Variants in CARMIL2 observed in about 807,000 individuals in gnomAD.
CARMIL2 encodes capping protein, Arp2/3 and myosin-I linker protein 2.
CARMIL2 carries 96 observed loss-of-function variants against 173.3 expected under a neutral mutation model. The observed-to-expected ratio is 0.55, with a 90% CI of 0.47 to 0.66. The LOEUF is 0.66. CARMIL2 is among the 30% of genes least tolerant of loss of function. The pLI is 0.00. For missense variants in CARMIL2, 1,771 were observed against 1,906.7 expected (o/e 0.93, Z 1.33); for synonymous variants, 830 against 817.1 (o/e 1.02, Z -0.27).
rs72547499 is a variant in CARMIL2 at position 67,657,435 on chromosome 16, C to G, written c.4225C>G (p.Pro1409Ala). ...TGGCCTTGGAACCGAGCCTCTGCCCCCACAGCCCACAGAGCCCTCCAGCCC... is the reference window on the plus strand; with the variant it reads ...TGGCCTTGGAACCGAGCCTCTGCCCGCACAGCCCACAGAGCCCTCCAGCCC... Reference protein sequence around the residue: ...GSGLGTEPLPPQPTEPSSPER... With the variant: ...GSGLGTEPLPAQPTEPSSPER... The change falls in exon 38 of 38, where the codon CCA becomes GCA. Residue 1409 changes from proline to alanine, a missense_variant. Around this residue, in one of 3 missense-constraint regions of CARMIL2, gnomAD observed 817 missense variants for 903.5 expected, o/e 0.90. Coordinates refer to ENST00000334583, the MANE Select transcript of CARMIL2 (RefSeq NM_001013838.3). This position sits in a 1 kb window ranked among gnomAD's most constrained non-coding sequence, Gnocchi z 4.5. 1 of 1,609,710 alleles carries G rather than the reference C, an allele frequency of 6.2e-7. No homozygotes were observed. Among genetic ancestry groups the G allele is most frequent in the East Asian group, 2.2e-5 (1 of 44,668 alleles).
chr16:67,654,635 C>T lies in CARMIL2; in HGVS notation c.3525C>T (p.Tyr1175=), dbSNP rs1455915557. 6.3e-7 allele frequency: 1 copy of T among 1,591,114 alleles called. No homozygotes were observed. Among genetic ancestry groups the T allele is most frequent in the African/African-American group, 1.3e-5 (1 of 74,392 alleles). ...RPRYTRDSKA[Y]SMILLPAEEE... is the part of the protein sequence containing the mutation. ...GCTACACAAGAGATAGCAAGGCCTACTCGATGATACTGCTGCCTGCCGAGG... is the reference window on the plus strand; with the variant it reads ...GCTACACAAGAGATAGCAAGGCCTATTCGATGATACTGCTGCCTGCCGAGG... Residue 1175 remains tyrosine, a synonymous_variant, in exon 31 of 38, where the codon TAC becomes TAT. Transcript: ENST00000334583.
chr16:67,649,132 A>G lies in CARMIL2; in HGVS notation c.1648A>G (p.Arg550Gly), dbSNP rs772545266. The change falls in exon 18 of 38, where the codon AGA becomes GGA. Residue 550 changes from arginine (R) to glycine (G), a missense_variant. By Grantham distance (125) the Arg-to-Gly change is moderately radical (BLOSUM62 -2). This residue lies in a region of CARMIL2 where 944 missense variants were observed against 975.6 expected (regional missense o/e 0.97). Coordinates refer to ENST00000334583, the MANE Select transcript of CARMIL2 (RefSeq NM_001013838.3). This position sits in a 1 kb window ranked among gnomAD's most constrained non-coding sequence, Gnocchi z 6.7. The part of the protein sequence containing the change: ...VLAIGRSRSL[R>G]HVALGRNFNV... ...GGCCATCGGGAGAAGCCGGTCCCTG[A>G]GACATGTGGCGCTTGGAAGGAACTT... 6.2e-7 allele frequency: 1 copy of G among 1,613,564 alleles called. No individual in the cohort carries two copies. The highest frequency in any genetic ancestry group is 2.2e-5 in the East Asian group (1 of 44,864).
In CARMIL2 at chr16:67,650,095, C is replaced by G. The variant is rs375991429; in HGVS notation, c.2129C>G (p.Ser710Cys). 1.2e-6 allele frequency: 2 copies of G among 1,613,600 alleles called. No individual in the cohort carries two copies. The highest frequency in any genetic ancestry group is 1.7e-5 in the Admixed American group (1 of 59,962). ...LRNNRADPAS[S>C]DHTTRLQPLG... ...AACAACCGCGCAGACCCTGCCTCTT[C>G]TGACCACACGACCCGCCTTCAGCCA... The change falls in exon 22 of 38, where the codon TCT becomes TGT. Residue 710 changes from serine to cysteine, a missense_variant. By Grantham distance (112) the Ser-to-Cys change is moderately radical (BLOSUM62 -1). Transcript: ENST00000334583.
At position 67,646,590 on chromosome 16, in the gene CARMIL2, G is replaced by A. The variant is rs939484557; in HGVS notation, c.466+73G>A. ...GCCTCCCCAGACCCGCAAGCTGGGG[G>A]GGCCCCAAACTGAACAGAGCCATTC... is the stretch of plus-strand genomic sequence containing the variant. On this transcript the variant is annotated intron_variant, in intron 6 of 37. Transcript: ENST00000334583. The surrounding 1 kb of genome is among the most constrained non-coding windows in gnomAD (Gnocchi z 4.6). 43 of 1,580,026 alleles carry A rather than the reference G, an allele frequency of 2.7e-5. No individual in the cohort carries two copies. Among genetic ancestry groups the A allele is most frequent in the Middle Eastern group, 1.7e-4 (1 of 5,964 alleles).
rs2052880229 is a variant in CARMIL2, at chr16:67,657,191, A to C, written c.4118-48A>C. The stretch of plus-strand genomic sequence containing the variant: ...TGGAAGAGAGGGGCAGGGGATGGAC[A>C]GACCCCAAGCCTTAGCAACCCACCC... On this transcript the variant is annotated intron_variant, in intron 36 of 37. Transcript: ENST00000334583. This position sits in a 1 kb window ranked among gnomAD's most constrained non-coding sequence, Gnocchi z 4.5. 2 of 1,547,828 alleles carry C rather than the reference A, an allele frequency of 1.3e-6. No homozygotes were observed. Among genetic ancestry groups the C allele is most frequent in the Admixed American group, 3.5e-5 (2 of 57,962 alleles).
At position 67,647,122 on chromosome 16, in the gene CARMIL2, G is replaced by A. The variant is rs750360582; in HGVS notation, c.618G>A (p.Leu206=). 5 of 1,613,774 alleles carry A rather than the reference G, an allele frequency of 3.1e-6. No individual in the cohort carries two copies. The highest frequency in any genetic ancestry group is 3.4e-6 in the Non-Finnish European group (4 of 1,179,850). Residue 206 remains leucine (L), a synonymous_variant, in exon 9 of 38, where the codon CTG becomes CTA. Transcript: ENST00000334583. ...GDFSHLGSRD[L]ALSVAALSYN... ...GTTCCCACCCTCCCACCAGGGACCT[G>A]GCCTTGAGTGTGGCTGCCCTGTCCT... is the stretch of plus-strand genomic sequence containing the variant.
At chr16:67,656,760 G>A in intron 35 of CARMIL2, 41 bp from the exon 36 acceptor site, 1 of 1,549,292 alleles carries the variant, frequency 6.5e-7, no homozygotes, top group Non-Finnish European at 8.7e-7. Flanking sequence ...CTGGAGTGGG[G>A]GCAGCTGTTG....
At position 67,653,060 on chromosome 16, in the gene CARMIL2, C is replaced by T. The variant is rs1320281069; in HGVS notation, c.2926C>T (p.Pro976Ser). Reference sequence around the variant, plus strand: ...GGAGCCGGAGCCCGAGCTGGCGGCTCCGGGAGAAGATGCAGAGCCGCAGGC... The same window carrying T: ...GGAGCCGGAGCCCGAGCTGGCGGCTTCGGGAGAAGATGCAGAGCCGCAGGC... ...EAEPEPELAA[P>S]GEDAEPQAGP... is the part of the protein sequence containing the mutation. The change falls in exon 29 of 38, where the codon CCG becomes TCG. Residue 976 changes from proline (P) to serine (S), a missense_variant. Coordinates refer to ENST00000334583, the MANE Select transcript of CARMIL2 (RefSeq NM_001013838.3). The surrounding 1 kb of genome is among the most constrained non-coding windows in gnomAD (Gnocchi z 7.4). 1.6e-6 allele frequency: 2 copies of T among 1,268,262 alleles called. No homozygotes were observed. Among genetic ancestry groups the T allele is most frequent in the Admixed American group, 7.8e-5 (2 of 25,616 alleles). 78.6% of individuals were successfully genotyped at this position (1,268,262 alleles called of 1,614,324 possible).
intron 9 of CARMIL2, 41 bp downstream of exon 9, chr16:67,647,232 G>T: frequency 6.2e-7 from 1 of 1,612,020 alleles, no homozygotes. Context: ...GGCCAAGGGT[G>T]TGGGCCAGGG....
rs765429939 is a variant in CARMIL2, at chr16:67,649,914, C to T, written c.2028C>T (p.Asp676=). The change falls in exon 21 of 38, where the codon GAC becomes GAT. Residue 676 remains aspartate, a synonymous_variant. Coordinates refer to ENST00000334583, the MANE Select transcript of CARMIL2 (RefSeq NM_001013838.3). This position sits in a 1 kb window ranked among gnomAD's most constrained non-coding sequence, Gnocchi z 6.7. ...AGGCCATGCCTCTGCCACTGAACGA[C>T]GTGGCCCAGGCGCAGCGCAGCCGCC... is the stretch of plus-strand genomic sequence containing the variant. ...SLKAMPLPLN[D]VAQAQRSRPE... 4.5e-5 allele frequency: 72 copies of T among 1,613,090 alleles called. No individual in the cohort carries two copies. Among genetic ancestry groups the T allele is most frequent in the Admixed American group, 1.0e-4 (6 of 60,000 alleles).
Position 67,646,991 on chromosome 16 carries a change from A to T in CARMIL2, c.611+18A>T, listed in dbSNP as rs890398238. The T allele has an allele frequency of 6.2e-6, 10 of 1,611,978 alleles. No individual in the cohort carries two copies. The African/African-American group carries it at 1.3e-4, about 22-fold the overall frequency. ...GGCAGTCGGTGTGTGGCCTGCCAGG[A>T]TGGGAGAGGAGGAAGATCCCGGGGC... On this transcript the variant is annotated intron_variant, in intron 8 of 37. Coordinates refer to ENST00000334583, the MANE Select transcript of CARMIL2 (RefSeq NM_001013838.3). The surrounding 1 kb of genome is among the most constrained non-coding windows in gnomAD (Gnocchi z 4.6).
In CARMIL2 at chr16:67,648,050, A is replaced by C; in HGVS notation, c.1072-2A>C. ...TCCATCGCACCCCTGTCCTCCCTCCAGGGCCTCTATAGCTTCCTGAGCCGT... is the reference window on the plus strand; with the variant it reads ...TCCATCGCACCCCTGTCCTCCCTCCCGGGCCTCTATAGCTTCCTGAGCCGT... On this transcript the variant is annotated splice_acceptor_variant, in intron 13 of 37. Coordinates refer to ENST00000334583, the MANE Select transcript of CARMIL2 (RefSeq NM_001013838.3). LOFTEE classifies it high-confidence loss of function. This position sits in a 1 kb window ranked among gnomAD's most constrained non-coding sequence, Gnocchi z 6.1. The C allele has an allele frequency of 6.2e-7, 1 of 1,611,496 alleles. No individual in the cohort carries two copies. The highest frequency in any genetic ancestry group is 8.5e-7 in the Non-Finnish European group (1 of 1,179,016).
Position 67,655,001 on chromosome 16 carries a change from T to C in CARMIL2, c.3705+101T>C, listed in dbSNP as rs562026873. ...GGAGACTCATGACAGATAGGTCTAA[T>C]TGTCAGTTCTACTCCATTCTCCTCG... On this transcript the variant is annotated intron_variant, in intron 32 of 37. Coordinates refer to ENST00000334583, the MANE Select transcript of CARMIL2 (RefSeq NM_001013838.3). The C allele has an allele frequency of 3.5e-6, 5 of 1,440,596 alleles. No individual in the cohort carries two copies. The East Asian group carries it at 6.9e-5, about 20-fold the overall frequency. The allele number at this position is 1,440,596 out of a possible 1,614,324, so 89.2% of individuals were successfully genotyped here.
In CARMIL2 at chr16:67,652,034, T is replaced by A; in HGVS notation, c.2676+26T>A. 6.2e-7 allele frequency: 1 copy of A among 1,611,362 alleles called. No homozygotes were observed. The highest frequency in any genetic ancestry group is 8.5e-7 in the Non-Finnish European group (1 of 1,178,024). On this transcript the variant is annotated intron_variant, in intron 26 of 37. Coordinates refer to ENST00000334583, the MANE Select transcript of CARMIL2 (RefSeq NM_001013838.3). This position sits in a 1 kb window ranked among gnomAD's most constrained non-coding sequence, Gnocchi z 4.7. ...GTGAGGGGGAGATGTGCACACACTT[T>A]CGTGCAAACACACACATGCAGTGAC... is the stretch of plus-strand genomic sequence containing the variant.
At position 67,654,551 on chromosome 16, in the gene CARMIL2, G is replaced by T. The variant is rs1243762530; in HGVS notation, c.3441G>T (p.Glu1147Asp). 5.0e-6 allele frequency: 8 copies of T among 1,611,818 alleles called. No individual in the cohort carries two copies. The Admixed American group carries it at 5.0e-5, about 10-fold the overall frequency. The change falls in exon 31 of 38, where the codon GAG becomes GAT. Residue 1147 changes from glutamate to aspartate, a missense_variant. Glu to Asp is a conservative substitution (Grantham distance 45). This residue lies in a region of CARMIL2 where 817 missense variants were observed against 903.5 expected (regional missense o/e 0.90). Transcript: ENST00000334583. ...RPPTRPSRGE[E>D]LGGAEGDTSS... ...CAACCCGTCCCAGCCGTGGTGAGGA[G>T]CTTGGTGGGGCTGAGGGGGACACCA...
At chr16:67,656,094 TAC>T in intron 33 of CARMIL2, 27 bp downstream of exon 33, 1 of 1,609,036 alleles carries the variant, frequency 6.2e-7, no homozygotes, top group Non-Finnish European at 8.5e-7. Context: ...GGTGTGGCAG[TAC>T]ATTTGCCAGG....
In CARMIL2 at chr16:67,651,726, C is replaced by T. The variant is rs766416057; in HGVS notation, c.2469C>T (p.Cys823=). The change falls in exon 25 of 38, where the codon TGC becomes TGT. Residue 823 remains cysteine (C), a synonymous_variant. Coordinates refer to ENST00000334583, the MANE Select transcript of CARMIL2 (RefSeq NM_001013838.3). The surrounding 1 kb of genome is among the most constrained non-coding windows in gnomAD (Gnocchi z 4.2). ...QATLDTARSL[C]PQMLQGSSWR... ...CACTGGACACAGCAAGGAGCCTCTG[C>T]CCACAGATGCTGCAGGGATCCAGCT... 6.2e-6 allele frequency: 10 copies of T among 1,606,816 alleles called. 1 individual carries two copies. Among genetic ancestry groups the T allele is most frequent in the South Asian group, 5.5e-5 (5 of 90,148 alleles).
Position 67,647,946 on chromosome 16 carries a change from C to G in CARMIL2, c.1059C>G (p.Ser353=). 1 of 1,608,264 alleles carries G rather than the reference C, an allele frequency of 6.2e-7. No homozygotes were observed. The highest frequency in any genetic ancestry group is 1.1e-5 in the South Asian group (1 of 90,022). The change falls in exon 13 of 38, where the codon TCC becomes TCG. Residue 353 remains serine (S), a synonymous_variant. Coordinates refer to ENST00000334583, the MANE Select transcript of CARMIL2 (RefSeq NM_001013838.3). The part of the protein sequence containing the change: ...LSGNPGALGA[S]EDSGGLYSFL... Reference sequence around the variant, plus strand: ...GGAATCCTGGGGCGCTGGGGGCCTCCGAGGACAGTGGGGTGAGTGGCTGTC... The same window carrying G: ...GGAATCCTGGGGCGCTGGGGGCCTCGGAGGACAGTGGGGTGAGTGGCTGTC...
intron 32 of CARMIL2, among the ~76,000 whole-genome samples, chr16:67,655,293 G>A (rs563185213): frequency 2.4e-4 from 37 of 152,306 alleles, no homozygotes; most frequent in African/African-American, 7.7e-4. Flanking sequence ...TTAGCCGGGT[G>A]TGGCGGTGGG....
Sources: gnomAD v4.1 joint callset for allele counts (sites outside exome capture counted in the v4.1 genomes callset) on GRCh38, gnomAD v4.1.1 for gene constraint, gnomAD v4.1.1 regional missense constraint, Gnocchi (gnomAD v3.1) non-coding constraint, MANE v1.5 for transcripts, NCBI Gene and HGNC (gene_info 2026-07-23, HGNC 2026-07-21) for gene names.